MTBP: variants seen among roughly 807,000 people sequenced by gnomAD.
MTBP encodes mdm2-binding protein.
MTBP carries 101 observed loss-of-function variants against 117.0 expected under a neutral mutation model. The observed-to-expected ratio is 0.86, with a 90% CI of 0.73 to 1.02. The LOEUF (loss-of-function observed/expected upper bound fraction) is 1.02. Ranked by LOEUF, MTBP falls within the 50% of genes least tolerant of loss-of-function variation. The pLI is 0.00. For missense variants in MTBP, 970 were observed against 1,030.9 expected, an observed-to-expected ratio of 0.94 and a Z score of 0.81; for synonymous variants, 350 against 351.5, an observed-to-expected ratio of 1.00 and a Z score of 0.05.
chr8:120,512,546 T>C (rs1814834578), intron 17 of MTBP, among the ~76,000 whole-genome samples: 1 of 152,128 alleles, frequency 6.6e-6, no homozygotes, highest in Admixed American at 6.6e-5. Flanking sequence ...AAATATTAAA[T>C]TAAGATTTAT....
chr8:120,514,912 G>C (rs1814889057), intron 17 of MTBP, among the ~76,000 whole-genome samples: 1 of 151,976 alleles, frequency 6.6e-6, no homozygotes, highest in Non-Finnish European at 1.5e-5. Context: ...AGTTCTCACA[G>C]CTAATAAGTA....
intron 10 of MTBP, among the ~76,000 whole-genome samples, chr8:120,464,016 G>T (rs1426001280): frequency 6.6e-6 from 1 of 151,928 alleles, no homozygotes; most frequent in Non-Finnish European, 1.5e-5. Flanking sequence ...TTTATGACTG[G>T]TAATTGCTTT....
intron 7 of MTBP, 83 bp downstream of exon 7, chr8:120,456,753 T>C: frequency 3.9e-6 from 3 of 771,414 alleles, no homozygotes; most frequent in Non-Finnish European, 6.7e-6. Flanking sequence ...TTAATGAAAA[T>C]GTACCTTATA....
At chr8:120,508,009 T>G (rs945611664) in intron 16 of MTBP, among the ~76,000 whole-genome samples, 2 of 152,158 alleles carry the variant, frequency 1.3e-5, no homozygotes, top group African/African-American at 2.4e-5. Context: ...AGATGCATTG[T>G]AGGGGAGATA....
chr8:120,512,856 T>C (rs1199510889), intron 17 of MTBP, among the ~76,000 whole-genome samples: 1 of 152,074 alleles, frequency 6.6e-6, no homozygotes, highest in African/African-American at 2.4e-5. Context: ...CGATTTATGT[T>C]CAACATAGAT....
chr8:120,508,958 G>A (rs11781698), intron 16 of MTBP, among the ~76,000 whole-genome samples: 12,954 of 152,086 alleles, frequency 0.085, 646 homozygotes, highest in East Asian at 0.21. Context: ...TTGATATATC[G>A]CTGTAGTTCT....
chr8:120,517,723 G>T, intron 18 of MTBP, 128 bp from the exon 19 acceptor site: 1 of 869,222 alleles, frequency 1.2e-6, no homozygotes, highest in African/African-American at 1.7e-5. Context: ...TAACACACTG[G>T]TAAGACAGAA....
rs529242020 is a variant in MTBP at position 120,457,332 on chromosome 8, T to G, written c.747+662T>G. 6.7e-4 allele frequency among the ~76,000 whole-genome samples: 102 copies of G among 152,308 alleles called. 1 individual carries two copies. Among genetic ancestry groups the G allele is most frequent in the African/African-American group, 2.3e-3 (96 of 41,570 alleles). On this transcript the variant is annotated intron_variant, in intron 7 of 21. Coordinates refer to ENST00000305949, the MANE Select transcript of MTBP (RefSeq NM_022045.5). ...TTTTGAAATAAGTGTTCATAGTAAT[T>G]TATGTATTTTTGTAGATAGGCAAAA...
chr8:120,491,713 C>A (rs1413420995), intron 13 of MTBP, among the ~76,000 whole-genome samples: 1 of 152,202 alleles, frequency 6.6e-6, no homozygotes, highest in Non-Finnish European at 1.5e-5. Flanking sequence ...GATTTCCTTG[C>A]CATATGCCTC....
At chr8:120,517,376 G>A (rs1344425475) in intron 18 of MTBP, among the ~76,000 whole-genome samples, 1 of 151,960 alleles carries the variant, frequency 6.6e-6, no homozygotes, top group East Asian at 1.9e-4. Context: ...CTCTTGGCAT[G>A]CATAGCTGAT....
chr8:120,481,624 A>G (rs1378278181), intron 11 of MTBP, among the ~76,000 whole-genome samples: 1 of 152,202 alleles, frequency 6.6e-6, no homozygotes, highest in Non-Finnish European at 1.5e-5. Context: ...AAGCAGATCA[A>G]TGGTTGTCTG....
chr8:120,452,038 CAT>C (rs1342972430), intron 4 of MTBP: 1 of 151,854 alleles, frequency 6.6e-6, no homozygotes, highest in Non-Finnish European at 1.5e-5. Context: ...TTTTAAAATC[CAT>C]AGAGTTTGTG....
At chr8:120,501,291 G>A (rs1814581768) in intron 14 of MTBP, among the ~76,000 whole-genome samples, 1 of 152,000 alleles carries the variant, frequency 6.6e-6, no homozygotes, top group Non-Finnish European at 1.5e-5. Flanking sequence ...GAACCTGGGA[G>A]GCGGAGCTTG....
rs1218044001 is a variant in MTBP at position 120,463,726 on chromosome 8, T to C, written c.1012T>C (p.Leu338=). The C allele has an allele frequency of 1.2e-6, 2 of 1,612,054 alleles. No homozygotes were observed. Among genetic ancestry groups the C allele is most frequent in the South Asian group, 1.1e-5 (1 of 90,790 alleles). Residue 338 remains leucine (L), a synonymous_variant, in exon 10 of 22, where the codon TTG becomes CTG. Coordinates refer to ENST00000305949, the MANE Select transcript of MTBP (RefSeq NM_022045.5). ...LTNSTKQNSV[L]LLEQISSLCS... is the part of the protein sequence containing the mutation. ...AAACAGTACCAAACAGAATTCTGTG[T>C]TGCTGTTGGAGCAGATTTCTTCTCT...
Position 120,498,996 on chromosome 8 carries a change from C to A in MTBP, c.1609+1442C>A, listed in dbSNP as rs76767243. Among the ~76,000 whole-genome samples, 1,308 of 152,250 alleles carry A rather than the reference C, an allele frequency of 8.6e-3. 13 individuals are homozygous for A. Among genetic ancestry groups the A allele is most frequent in the African/African-American group, 0.028 (1,181 of 41,542 alleles). On this transcript the variant is annotated intron_variant, in intron 14 of 21. Coordinates refer to ENST00000305949, the MANE Select transcript of MTBP (RefSeq NM_022045.5). The stretch of plus-strand genomic sequence containing the variant: ...CACACTGAGCTGCAGGAGAGCTCAT[C>A]TTAAAATCAAAAAGGTTTGAGCAAA...
In MTBP at chr8:120,515,928, T is replaced by C. The variant is rs781365338; in HGVS notation, c.1983T>C (p.Tyr661=). ...AATGCTCTTTCACTCATTTTAGATA[T>C]TGCTTGGATGACCGAAAAGCTTTGG... ...ASVCHYHGIE[Y]CLDDRKALER... The change falls in exon 18 of 22, where the codon TAT becomes TAC. Residue 661 remains tyrosine, a synonymous_variant. Transcript: ENST00000305949. 14 of 1,611,924 alleles carry C rather than the reference T, an allele frequency of 8.7e-6. No individual in the cohort carries two copies. The South Asian group carries it at 1.2e-4, about 14-fold the overall frequency.
intron 16 of MTBP, 130 bp downstream of exon 16, chr8:120,506,991 T>C (rs1256470114): frequency 1.4e-6 from 1 of 717,566 alleles, no homozygotes; most frequent in African/African-American, 1.8e-5. Flanking sequence ...TCCCAATGTT[T>C]GTCTGTTGGC....
intron 2 of MTBP, among the ~76,000 whole-genome samples, chr8:120,447,810 T>A (rs1288633991): frequency 6.6e-6 from 1 of 152,220 alleles, no homozygotes; most frequent in Non-Finnish European, 1.5e-5. Flanking sequence ...CCAAGAGTAG[T>A]TTGAGCAGTG....
chr8:120,485,185 G>A (rs937394745), intron 11 of MTBP, among the ~76,000 whole-genome samples: 10 of 152,030 alleles, frequency 6.6e-5, no homozygotes, highest in East Asian at 3.9e-4. Flanking sequence ...GCTGGGCTTC[G>A]TCTTTTTTTC....
Sources: gnomAD v4.1 joint callset for allele counts (sites outside exome capture counted in the v4.1 genomes callset) on GRCh38, gnomAD v4.1.1 for gene constraint, MANE v1.5 for transcripts, NCBI Gene and HGNC (gene_info 2026-07-23, HGNC 2026-07-21) for gene names.